The following FSD1L variants were observed in gnomAD, a reference collection of about 807,000 sequenced individuals.
The protein encoded by FSD1L is fibronectin type III and SPRY domain containing 1 like, also known as FSD1-like protein.
In FSD1L, 45 loss-of-function variants were observed where a neutral mutation model predicts 71.6. The ratio of observed to expected loss-of-function variants is 0.63; its 90% confidence interval spans 0.49 to 0.81. The LOEUF (loss-of-function observed/expected upper bound fraction) is 0.81. FSD1L is among the 30% of genes least tolerant of loss of function. The pLI is 0.00. For missense variants in FSD1L, 561 were observed against 618.1 expected (o/e 0.91, Z 0.98); for synonymous variants, 197 against 207.2 (o/e 0.95, Z 0.42).
In FSD1L at chr9:105,547,415, A is replaced by G. The variant is rs1314165245; in HGVS notation, c.*932A>G. 6.6e-6 allele frequency: 1 copy of G among 152,440 alleles called. No homozygotes were observed. The highest frequency in any genetic ancestry group is 1.9e-4 in the East Asian group (1 of 5,200). The allele number at this position is 152,440 out of a possible 1,614,324, so 9.4% of individuals were successfully genotyped here. ...AGGATTGAAAAATGTATATCACTCAATTTTTATCTAAGAAGGATAGGTTAT... is the reference window on the plus strand; with the variant it reads ...AGGATTGAAAAATGTATATCACTCAGTTTTTATCTAAGAAGGATAGGTTAT... On this transcript the variant is annotated 3_prime_UTR_variant, in exon 14 of 14. Transcript: ENST00000481272.
chr9:105,487,370 C>A (rs1407172885), intron 7 of FSD1L, among the ~76,000 whole-genome samples: 1 of 150,266 alleles, frequency 6.7e-6, no homozygotes, highest in Admixed American at 6.6e-5. Context: ...TTTATATGTA[C>A]TGGAAAATAT....
intron 10 of FSD1L, chr9:105,521,091 A>G (rs965056335): frequency 3.1e-6 from 5 of 1,613,528 alleles, no homozygotes; most frequent in Admixed American, 3.3e-5. Flanking sequence ...ACATTATGTC[A>G]TGATAAAGAA....
chr9:105,484,248 T>G (rs1832390730), intron 6 of FSD1L, 133 bp from the exon 7 acceptor site: 1 of 600,534 alleles, frequency 1.7e-6, no homozygotes, highest in South Asian at 5.9e-5. Context: ...ATTAAATTTC[T>G]ATTTCACTTT....
intron 5 of FSD1L, 120 bp downstream of exon 5, chr9:105,472,125 T>G: frequency 8.4e-7 from 1 of 1,196,922 alleles, no homozygotes; most frequent in Non-Finnish European, 1.1e-6. Context: ...AGCCTTGGGG[T>G]TTCTTGATAA....
At chr9:105,546,078 T>C (rs1011584630) in intron 13 of FSD1L, among the ~76,000 whole-genome samples, 1 of 152,104 alleles carries the variant, frequency 6.6e-6, no homozygotes, top group Admixed American at 6.6e-5. Flanking sequence ...TTGCCTAGAT[T>C]AAGCCAATGA....
intron 1 of FSD1L, among the ~76,000 whole-genome samples, chr9:105,448,471 CG>C (rs1271429711): frequency 6.6e-6 from 1 of 152,182 alleles, no homozygotes; most frequent in Non-Finnish European, 1.5e-5. Context: ...GCGCGCTGTC[CG>C]GGGCCCTGAC....
chr9:105,484,489 G>A lies in FSD1L; in HGVS notation c.573G>A (p.Leu191=). ...AGGAAAGACAGATGCTGCAAACTTT[G>A]AAGTTTTTGCCAGGTAAATACATGT... ...FSQERQMLQT[L]KFLPVPKAPE... Residue 191 remains leucine, a synonymous_variant, in exon 7 of 14, where the codon TTG becomes TTA. Coordinates refer to ENST00000481272, the MANE Select transcript of FSD1L (RefSeq NM_001145313.3). 1.3e-6 allele frequency: 2 copies of A among 1,518,102 alleles called. No individual in the cohort carries two copies. Among genetic ancestry groups the A allele is most frequent in the South Asian group, 2.6e-5 (2 of 76,788 alleles). The allele number at this position is 1,518,102 out of a possible 1,614,324, so 94.0% of individuals were successfully genotyped here. A position where few individuals can be genotyped will look rare whatever the true frequency, so the allele number is the denominator to read the frequency against.
chr9:105,471,730 A>G (rs1044846788), intron 4 of FSD1L, among the ~76,000 whole-genome samples, 174 bp from the exon 5 acceptor site: 1 of 144,730 alleles, frequency 6.9e-6, no homozygotes, highest in African/African-American at 2.6e-5. Flanking sequence ...CGTTTTATAT[A>G]TATATATATA....
chr9:105,454,610 G>T (rs939359388), intron 1 of FSD1L, among the ~76,000 whole-genome samples: 3 of 152,172 alleles, frequency 2.0e-5, no homozygotes, highest in African/African-American at 7.2e-5. Context: ...TAGGACCTCT[G>T]GTTTCTTTGG....
In FSD1L at chr9:105,536,994, C is replaced by A. The variant is rs558603698; in HGVS notation, c.1378+1676C>A. Among the ~76,000 whole-genome samples, 106 of 152,270 alleles carry A rather than the reference C, an allele frequency of 7.0e-4. 1 individual carries two copies. Among genetic ancestry groups the A allele is most frequent in the African/African-American group, 2.5e-3 (105 of 41,556 alleles). On this transcript the variant is annotated intron_variant, in intron 12 of 13. Transcript: ENST00000481272. ...TATGTAATGCAAATGAAGACTATTA[C>A]ATTTACCCTTTTTTAGTTTCATCTT...
At chr9:105,540,122 C>T (rs1017798867) in intron 13 of FSD1L, among the ~76,000 whole-genome samples, 4 of 151,980 alleles carry the variant, frequency 2.6e-5, no homozygotes, top group African/African-American at 9.7e-5. Flanking sequence ...AATTTGAGTT[C>T]CTTCAAATCC....
At chr9:105,507,115 T>C (rs1834101143) in intron 8 of FSD1L, among the ~76,000 whole-genome samples, 1 of 152,252 alleles carries the variant, frequency 6.6e-6, no homozygotes, top group Non-Finnish European at 1.5e-5. Flanking sequence ...CTTGGTTTTC[T>C]GACTCTTAAA....
rs145913193 is a variant in FSD1L at position 105,549,151 on chromosome 9, C to T, written c.*2668C>T. On this transcript the variant is annotated 3_prime_UTR_variant, in exon 14 of 14. Transcript: ENST00000481272. ...TGTTTCTACAGGTCAAACATGATTG[C>T]TTTCTATAAAAGAAATGCTTGAGAG... 4.0e-4 allele frequency: 61 copies of T among 152,022 alleles called. No individual in the cohort carries two copies. The East Asian group carries it at 7.9e-3, about 20-fold the overall frequency. The allele number at this position is 152,022 out of a possible 1,614,324, so 9.4% of individuals were successfully genotyped here.
intron 10 of FSD1L, among the ~76,000 whole-genome samples, chr9:105,516,727 C>T (rs1168232942): frequency 6.6e-6 from 1 of 152,158 alleles, no homozygotes; most frequent in Non-Finnish European, 1.5e-5. Context: ...GAAACCAGCG[C>T]AAAAAGGCTG....
Position 105,543,530 on chromosome 9 carries a change from C to T in FSD1L, c.1468-2828C>T, listed in dbSNP as rs138229507. On this transcript the variant is annotated intron_variant, in intron 13 of 13. Transcript: ENST00000481272. ...ACATGTGCCATGTTGGTGTGCTGCA[C>T]CCATTAACTCGTCATTTACCTTAGG... is the stretch of plus-strand genomic sequence containing the variant. 9.2e-3 allele frequency among the ~76,000 whole-genome samples: 1,406 copies of T among 152,186 alleles called. 21 individuals are homozygous for T. The highest frequency in any genetic ancestry group is 0.032 in the African/African-American group (1,342 of 41,482).
At chr9:105,492,877 A>C (rs1248185864) in intron 7 of FSD1L, among the ~76,000 whole-genome samples, 1 of 152,114 alleles carries the variant, frequency 6.6e-6, no homozygotes, top group Non-Finnish European at 1.5e-5. Flanking sequence ...GTTTGTTATA[A>C]TTTCTGATAT....
intron 10 of FSD1L, chr9:105,523,504 A>G (rs982947554): frequency 1.2e-6 from 2 of 1,613,146 alleles, no homozygotes; most frequent in South Asian, 2.2e-5. Flanking sequence ...CCTGAAATAC[A>G]TGCTCAAGTT....
chr9:105,470,886 C>G (rs1405920568), intron 4 of FSD1L, among the ~76,000 whole-genome samples: 1 of 152,184 alleles, frequency 6.6e-6, no homozygotes, highest in Non-Finnish European at 1.5e-5. Flanking sequence ...AAGGACAACT[C>G]AGCATCACCT....
intron 10 of FSD1L, chr9:105,521,917 C>A: frequency 1.9e-6 from 3 of 1,612,440 alleles, no homozygotes; most frequent in Non-Finnish European, 2.5e-6. Flanking sequence ...GATGAACACA[C>A]AGATATGTGT....
Sources: allele counts gnomAD v4.1 joint callset (sites outside exome capture counted in the v4.1 genomes callset), GRCh38; gene constraint gnomAD v4.1.1; transcripts MANE v1.5; gene names NCBI Gene and HGNC (gene_info 2026-07-23, HGNC 2026-07-21).